MALRD1: variants seen among roughly 807,000 people sequenced by gnomAD.
The protein encoded by MALRD1 is MAM and LDL-receptor class A domain-containing protein 1.
In MALRD1, 247 loss-of-function variants were observed where a neutral mutation model predicts 242.1. The observed-to-expected ratio is 1.02, with a 90% CI of 0.92 to 1.13. The LOEUF is 1.13. MALRD1 is among the 50% of genes most tolerant of loss of function. MALRD1 has a pLI of 0.00. For synonymous variants in MALRD1, 995 were observed against 866.6 expected, an observed-to-expected ratio of 1.15 and a Z score of -2.60; for missense variants, 2,989 against 2,533.1, an observed-to-expected ratio of 1.18 and a Z score of -3.86.
intron 33 of MALRD1, among the ~76,000 whole-genome samples, chr10:19,590,176 T>C (rs1837690134): frequency 6.6e-6 from 1 of 151,588 alleles, no homozygotes; most frequent in Non-Finnish European, 1.5e-5. Context: ...AATTAGAACA[T>C]AGAAATTTTA....
At chr10:19,673,821 T>C (rs1842028419) in intron 36 of MALRD1, among the ~76,000 whole-genome samples, 1 of 151,976 alleles carries the variant, frequency 6.6e-6, no homozygotes, top group Admixed American at 6.6e-5. Context: ...AGATTTCTAT[T>C]GATATATCTA....
chr10:19,348,130 G>A, intron 25 of MALRD1, 112 bp downstream of exon 25: 1 of 1,349,958 alleles, frequency 7.4e-7, no homozygotes, highest in Non-Finnish European at 9.9e-7. Flanking sequence ...AGATGAGTTT[G>A]AATTTATTCA....
chr10:19,605,082 G>A (rs558068167), intron 34 of MALRD1, among the ~76,000 whole-genome samples: 1 of 152,128 alleles, frequency 6.6e-6, no homozygotes, highest in Non-Finnish European at 1.5e-5. Flanking sequence ...AAACATTTGG[G>A]AAAGCTGAAG....
chr10:19,538,027 A>G (rs955003540), intron 32 of MALRD1, among the ~76,000 whole-genome samples: 6 of 152,212 alleles, frequency 3.9e-5, no homozygotes, highest in Non-Finnish European at 7.3e-5. Flanking sequence ...CATTTAAGAT[A>G]ATTTTCTAAA....
At chr10:19,669,566 G>T (rs570868996) in intron 36 of MALRD1, among the ~76,000 whole-genome samples, 1 of 152,256 alleles carries the variant, frequency 6.6e-6, no homozygotes, top group African/African-American at 2.4e-5. Context: ...GGTACTCATA[G>T]TTTATCTAAT....
chr10:19,185,814 A>AGTGTGT (rs5783657), intron 14 of MALRD1, among the ~76,000 whole-genome samples: 9,652 of 148,318 alleles, frequency 0.065, 441 homozygotes, highest in African/African-American at 0.13. Context: ...GTTTTGAGAT[A>AGTGTGT]GTGTGTGTGT....
intron 24 of MALRD1, among the ~76,000 whole-genome samples, chr10:19,333,202 T>C (rs1843464096): frequency 6.6e-6 from 1 of 152,136 alleles, no homozygotes; most frequent in Non-Finnish European, 1.5e-5. Flanking sequence ...AGGTTTCTTG[T>C]ATGTTGTGTG....
chr10:19,058,498 A>T (rs1450458632), intron 1 of MALRD1, among the ~76,000 whole-genome samples: 1 of 152,164 alleles, frequency 6.6e-6, no homozygotes, highest in African/African-American at 2.4e-5. Context: ...TTGAGTAAGT[A>T]TTGGGGTGGG....
At chr10:19,360,151 G>A (rs756375937) in intron 26 of MALRD1, among the ~76,000 whole-genome samples, 9 of 151,986 alleles carry the variant, frequency 5.9e-5, no homozygotes, top group Non-Finnish European at 1.0e-4. Context: ...CTGACTTTCA[G>A]GAATACATTA....
chr10:19,657,000 T>C (rs371853004), intron 36 of MALRD1, among the ~76,000 whole-genome samples: 79 of 152,334 alleles, frequency 5.2e-4, no homozygotes, highest in South Asian at 2.9e-3. Flanking sequence ...CCAATGTAGA[T>C]ACGGATCGAA....
intron 26 of MALRD1, among the ~76,000 whole-genome samples, chr10:19,369,828 A>G (rs1845295335): frequency 6.6e-6 from 1 of 151,806 alleles, no homozygotes; most frequent in African/African-American, 2.4e-5. Context: ...CATTATATAT[A>G]TTACTGATAT....
In MALRD1 at chr10:19,615,856, G is replaced by A; in HGVS notation, c.6071-1G>A. ...GGTGTCTTTGTGATGCTTCTTTTTA[G>A]AATGTCCATTAAATTACTGCAGAAA... On this transcript the variant is annotated splice_acceptor_variant, in intron 35 of 39. Coordinates refer to ENST00000454679, the MANE Select transcript of MALRD1 (RefSeq NM_001142308.3). LOFTEE classifies it high-confidence loss of function. 1 of 1,526,118 alleles carries A rather than the reference G, an allele frequency of 6.6e-7. No homozygotes were observed. The highest frequency in any genetic ancestry group is 1.2e-5 in the South Asian group (1 of 82,616). 94.5% of individuals were successfully genotyped at this position (1,526,118 alleles called of 1,614,324 possible). A position where few individuals can be genotyped will look rare whatever the true frequency, so the allele number is the denominator to read the frequency against.
chr10:19,391,844 C>T (rs1007619566), intron 28 of MALRD1, among the ~76,000 whole-genome samples: 86 of 152,304 alleles, frequency 5.6e-4, no homozygotes, highest in African/African-American at 1.9e-3. Context: ...TCAAGTGTCA[C>T]TCTCAGATCT....
At chr10:19,377,717 T>C (rs1845670713) in intron 26 of MALRD1, among the ~76,000 whole-genome samples, 1 of 152,078 alleles carries the variant, frequency 6.6e-6, no homozygotes, top group Non-Finnish European at 1.5e-5. Context: ...ACATACACAT[T>C]AAAGGAAAAT....
chr10:19,398,300 C>T (rs1846677887), intron 28 of MALRD1, among the ~76,000 whole-genome samples: 1 of 152,096 alleles, frequency 6.6e-6, no homozygotes, highest in Non-Finnish European at 1.5e-5. Flanking sequence ...GCAATAGCTG[C>T]ATTTAATGTT....
At chr10:19,660,477 T>C (rs1356415314) in intron 36 of MALRD1, among the ~76,000 whole-genome samples, 1 of 152,096 alleles carries the variant, frequency 6.6e-6, no homozygotes, top group East Asian at 1.9e-4. Context: ...GTATGCATGA[T>C]GAGTTTAATG....
At chr10:19,643,376 G>A (rs142773691) in intron 36 of MALRD1, among the ~76,000 whole-genome samples, 2,778 of 152,222 alleles carry the variant, frequency 0.018, 47 homozygotes, top group East Asian at 0.035. Flanking sequence ...AACCTGGGAG[G>A]CGGAGGTTTC....
At chr10:19,726,589 C>A (rs554154998) in intron 38 of MALRD1, among the ~76,000 whole-genome samples, 1 of 152,260 alleles carries the variant, frequency 6.6e-6, no homozygotes, top group Admixed American at 6.5e-5. Flanking sequence ...ATCAATTCAA[C>A]TCCTAGTTAT....
chr10:19,368,544 G>T lies in MALRD1; in HGVS notation c.4441+16247G>T, dbSNP rs531125873. On this transcript the variant is annotated intron_variant, in intron 26 of 39. Transcript: ENST00000454679. ...AGCTTTGTAATGTATTTTGAAGTTT[G>T]GTAGTGTGATGCCTGCAGCTTTGTT... Among the ~76,000 whole-genome samples the T allele has an allele frequency of 1.6e-4, 24 of 152,110 alleles. No individual in the cohort carries two copies. The East Asian group carries it at 4.6e-3, about 29-fold the overall frequency.
Sources: allele counts gnomAD v4.1 joint callset (sites outside exome capture counted in the v4.1 genomes callset), GRCh38; gene constraint gnomAD v4.1.1; transcripts MANE v1.5; gene names NCBI Gene and HGNC (gene_info 2026-07-23, HGNC 2026-07-21).